VAT1L: variants seen among roughly 807,000 people sequenced by gnomAD.
VAT1L encodes vesicle amine transport 1 like.
VAT1L carries 34 observed loss-of-function variants against 44.1 expected under a neutral mutation model. The ratio of observed to expected loss-of-function variants is 0.77; its 90% CI spans 0.59 to 1.03. VAT1L has a LOEUF of 1.03. Among genes scored for constraint, VAT1L ranks in the 50% least tolerant of loss-of-function variants. The probability of loss-of-function intolerance (pLI) is 0.00; values close to 1 mark genes in which losing one functional copy is unlikely to be tolerated. For missense variants in VAT1L, 615 were observed against 538.8 expected (o/e 1.14, Z -1.40); for synonymous variants, 253 against 202.2 (o/e 1.25, Z -2.13).
At chr16:77,831,837 A>T (rs781527367) in intron 3 of VAT1L, among the ~76,000 whole-genome samples, 5 of 151,570 alleles carry the variant, frequency 3.3e-5, no homozygotes, top group African/African-American at 7.3e-5. Context: ...TTTTTTGGAG[A>T]TGGAGTCTCA....
intron 7 of VAT1L, among the ~76,000 whole-genome samples, chr16:77,890,027 T>C (rs1207738632): frequency 6.6e-6 from 1 of 152,024 alleles, no homozygotes; most frequent in Non-Finnish European, 1.5e-5. Context: ...GTGGAGGTTG[T>C]AGTGTGCCAA....
chr16:77,830,700 G>A (rs1402243812), intron 3 of VAT1L, among the ~76,000 whole-genome samples: 1 of 151,998 alleles, frequency 6.6e-6, no homozygotes, highest in Non-Finnish European at 1.5e-5. Context: ...CTTTTTTGTT[G>A]TTGTTGAGAT....
intron 7 of VAT1L, among the ~76,000 whole-genome samples, chr16:77,923,410 A>G (rs939747530): frequency 6.6e-6 from 1 of 152,188 alleles, no homozygotes; most frequent in Non-Finnish European, 1.5e-5. Context: ...AGATCATGCC[A>G]TTGCATCCTA....
chr16:77,841,024 A>C (rs1597061493), intron 3 of VAT1L, among the ~76,000 whole-genome samples: 1 of 152,194 alleles, frequency 6.6e-6, no homozygotes, highest in South Asian at 2.1e-4. Flanking sequence ...TAAGCAAGCT[A>C]CATGGATTTA....
At chr16:77,938,310 G>T (rs992406276) in intron 7 of VAT1L, among the ~76,000 whole-genome samples, 4 of 152,208 alleles carry the variant, frequency 2.6e-5, no homozygotes, top group African/African-American at 9.6e-5. Context: ...TTAGCTGTCT[G>T]TGTTGTATGC....
intron 7 of VAT1L, among the ~76,000 whole-genome samples, chr16:77,903,114 T>A (rs753111914): frequency 5.9e-5 from 9 of 152,226 alleles, no homozygotes; most frequent in Non-Finnish European, 1.3e-4. Flanking sequence ...TCTTTGTTTT[T>A]AATAGACATC....
chr16:77,862,999 T>C lies in VAT1L; in HGVS notation c.722+109T>C, dbSNP rs561565648. 9.0e-5 allele frequency: 122 copies of C among 1,354,478 alleles called. No homozygotes were observed. The South Asian group carries it at 1.3e-3, about 15-fold the overall frequency. The allele number at this position is 1,354,478 out of a possible 1,614,324, so 83.9% of individuals were successfully genotyped here. ...AATAATAATATGTAGCAAACATATA[T>C]TGGGGGCTTAGTATTATTAGCTCTG... On this transcript the variant is annotated intron_variant, in intron 4 of 8. Coordinates refer to ENST00000302536, the MANE Select transcript of VAT1L (RefSeq NM_020927.3).
chr16:77,813,789 C>T (rs1216920622), intron 1 of VAT1L, among the ~76,000 whole-genome samples: 1 of 152,174 alleles, frequency 6.6e-6, no homozygotes, highest in Admixed American at 6.5e-5. Context: ...CTTGGACCAG[C>T]TCATTTATTC....
intron 7 of VAT1L, among the ~76,000 whole-genome samples, chr16:77,934,473 A>G (rs1415685688): frequency 6.6e-6 from 1 of 152,130 alleles, no homozygotes; most frequent in African/African-American, 2.4e-5. Context: ...ACAAAAAAAA[A>G]TGGATTCTTC....
At chr16:77,932,894 T>C (rs1342181245) in intron 7 of VAT1L, among the ~76,000 whole-genome samples, 1 of 152,086 alleles carries the variant, frequency 6.6e-6, no homozygotes, top group East Asian at 1.9e-4. Flanking sequence ...GAATGAATGG[T>C]AGGATTCAAG....
At chr16:77,886,931 TTA>T (rs1279965734) in intron 7 of VAT1L, among the ~76,000 whole-genome samples, 3 of 152,320 alleles carry the variant, frequency 2.0e-5, no homozygotes, top group South Asian at 4.2e-4. Flanking sequence ...ACATGTGTGT[TTA>T]TGTCCTGTGT....
chr16:77,861,100 A>C (rs184781178), intron 3 of VAT1L, among the ~76,000 whole-genome samples: 1 of 152,302 alleles, frequency 6.6e-6, no homozygotes, highest in Non-Finnish European at 1.5e-5. Flanking sequence ...TGATTCTCTC[A>C]GTGTTGCCTT....
chr16:77,878,958 G>C (rs2017119097), intron 5 of VAT1L, among the ~76,000 whole-genome samples: 1 of 152,164 alleles, frequency 6.6e-6, no homozygotes, highest in Non-Finnish European at 1.5e-5. Context: ...GTCATCATGA[G>C]AAATGTCACT....
chr16:77,872,127 T>A (rs1224445824), intron 4 of VAT1L, among the ~76,000 whole-genome samples: 1 of 152,126 alleles, frequency 6.6e-6, no homozygotes, highest in African/African-American at 2.4e-5. Flanking sequence ...AGAGGCTAAG[T>A]AACTCACCTA....
chr16:77,841,717 A>G (rs574710311), intron 3 of VAT1L, among the ~76,000 whole-genome samples: 1 of 152,162 alleles, frequency 6.6e-6, no homozygotes, highest in Admixed American at 6.5e-5. Flanking sequence ...AAGCCTGGAA[A>G]CTATTTCCTC....
At chr16:77,853,166 C>G (rs978098325) in intron 3 of VAT1L, among the ~76,000 whole-genome samples, 1 of 152,140 alleles carries the variant, frequency 6.6e-6, no homozygotes, top group African/African-American at 2.4e-5. Context: ...TAGGAAAACC[C>G]GGTGCACCGT....
At chr16:77,851,577 C>T (rs550885672) in intron 3 of VAT1L, among the ~76,000 whole-genome samples, 1 of 152,034 alleles carries the variant, frequency 6.6e-6, no homozygotes, top group African/African-American at 2.4e-5. Context: ...CGCTTGAGAC[C>T]AAGAGTTTGA....
At chr16:77,847,793 C>A (rs2016771996) in intron 3 of VAT1L, among the ~76,000 whole-genome samples, 1 of 152,160 alleles carries the variant, frequency 6.6e-6, no homozygotes, top group South Asian at 2.1e-4. Context: ...TTGTGAATGG[C>A]AATGTAATCT....
chr16:77,819,378 C>CTTTTTTTTTTTT (rs201044786), intron 2 of VAT1L, among the ~76,000 whole-genome samples: 1 of 150,044 alleles, frequency 6.7e-6, no homozygotes, highest in Non-Finnish European at 1.5e-5. Flanking sequence ...TTTCTTTTTT[C>CTTTTTTTTTTTT]TTTTTTTTTT....
Sources: allele counts gnomAD v4.1 joint callset (sites outside exome capture counted in the v4.1 genomes callset), GRCh38; gene constraint gnomAD v4.1.1; transcripts MANE v1.5; gene names NCBI Gene and HGNC (gene_info 2026-07-23, HGNC 2026-07-21).